The following C18orf54 variants were observed in gnomAD, a reference collection of about 807,000 sequenced individuals.
C18orf54 encodes lung adenoma susceptibility protein 2.
Under a neutral mutation model 49.3 loss-of-function variants are expected in C18orf54, and 49 were observed. The ratio of observed to expected loss-of-function variants is 0.99; its 90% CI spans 0.79 to 1.26. The LOEUF is 1.26. Ranked by LOEUF, C18orf54 falls within the 50% of genes most tolerant of loss-of-function variation. The pLI is 0.00. For missense variants in C18orf54, 687 were observed against 620.6 expected (o/e 1.11, Z -1.14); for synonymous variants, 211 against 216.6 (o/e 0.97, Z 0.23).
chr18:54,359,680 A>G (rs1162981809), intron 2 of C18orf54, among the ~76,000 whole-genome samples: 1 of 152,220 alleles, frequency 6.6e-6, no homozygotes, highest in Non-Finnish European at 1.5e-5. Context: ...ATTTAATTTT[A>G]AAAAGAATGT....
chr18:54,378,012 A>G (rs569060173), intron 8 of C18orf54, among the ~76,000 whole-genome samples, 162 bp from the exon 9 acceptor site: 1 of 152,308 alleles, frequency 6.6e-6, no homozygotes, highest in African/African-American at 2.4e-5. Context: ...AATTATTCAG[A>G]TCTCAAGGTT....
intron 2 of C18orf54, among the ~76,000 whole-genome samples, chr18:54,359,506 A>G (rs764556306): frequency 2.0e-5 from 3 of 152,208 alleles, no homozygotes; most frequent in Admixed American, 6.5e-5. Context: ...ATTTAATTAG[A>G]AAACTTTCGA....
intron 5 of C18orf54, among the ~76,000 whole-genome samples, chr18:54,364,863 C>T (rs2089349325): frequency 6.6e-6 from 1 of 151,962 alleles, no homozygotes; most frequent in Admixed American, 6.6e-5. Context: ...AAAACATCAG[C>T]ATTCTGTAAA....
chr18:54,359,752 C>G (rs1021171234), intron 2 of C18orf54, among the ~76,000 whole-genome samples: 11 of 152,254 alleles, frequency 7.2e-5, no homozygotes, highest in Admixed American at 1.3e-4. Context: ...AATATACATC[C>G]TGTTACTGTA....
intron 6 of C18orf54, among the ~76,000 whole-genome samples, chr18:54,371,784 C>G (rs1296137808): frequency 6.6e-6 from 1 of 152,014 alleles, no homozygotes; most frequent in East Asian, 1.9e-4. Flanking sequence ...CTGTACAGTC[C>G]TATTTGTTAC....
At chr18:54,370,276 C>CA (rs35888839) in intron 6 of C18orf54, among the ~76,000 whole-genome samples, 26,257 of 86,816 alleles carry the variant, frequency 0.3, 3,082 homozygotes, top group East Asian at 0.39. Context: ...GACTCTGTCT[C>CA]AAAAAAAAAA....
At position 54,381,485 on chromosome 18, in the gene C18orf54, A is replaced by C. The variant is rs1240668457; in HGVS notation, c.*3239A>C. ...AGAAGCCAGAGTGACTGGTCTTGGC[A>C]AGACTCTGTTGTGTATCACCACTCT... On this transcript the variant is annotated 3_prime_UTR_variant, in exon 9 of 9. Coordinates refer to ENST00000620105, the MANE Select transcript of C18orf54 (RefSeq NM_001288980.2). The C allele has an allele frequency of 6.6e-6, 1 of 152,214 alleles. No homozygotes were observed. 9.4% of individuals were successfully genotyped at this position (152,214 alleles called of 1,614,324 possible).
At chr18:54,374,084 C>A (rs2089532302) in intron 7 of C18orf54, 130 bp from the exon 8 acceptor site, 4 of 838,320 alleles carry the variant, frequency 4.8e-6, no homozygotes. Context: ...ATATTTAATA[C>A]TCTTGAAAAT....
chr18:54,371,551 C>T (rs2089486672), intron 6 of C18orf54, among the ~76,000 whole-genome samples: 1 of 152,024 alleles, frequency 6.6e-6, no homozygotes, highest in African/African-American at 2.4e-5. Context: ...TGTTTAATTT[C>T]TTGTGGAATT....
At chr18:54,367,743 G>C (rs1657911) in intron 6 of C18orf54, among the ~76,000 whole-genome samples, 122,978 of 151,770 alleles carry the variant, frequency 0.81, 50,424 homozygotes, top group African/African-American at 0.95. Flanking sequence ...GATGTCATAT[G>C]TATTCCCAGA....
chr18:54,367,956 A>G (rs541289094), intron 6 of C18orf54, among the ~76,000 whole-genome samples: 2 of 152,088 alleles, frequency 1.3e-5, no homozygotes, highest in African/African-American at 4.8e-5. Flanking sequence ...TGTCTATTTG[A>G]TGAAGTCTAT....
rs2089280340 is a variant in C18orf54, at chr18:54,361,965, A to G, written c.606A>G (p.Pro202=). ...AGCAATGTGGTAGGCTGAAAAACCC[A>G]AAACTTATGAATAGGACTAATAATT... is the stretch of plus-strand genomic sequence containing the variant. ...NGKQCGRLKN[P]KLMNRTNNCI... is the part of the protein sequence containing the mutation. The change falls in exon 4 of 9, where the codon CCA becomes CCG. Residue 202 remains proline (P), a synonymous_variant. Coordinates refer to ENST00000620105, the MANE Select transcript of C18orf54 (RefSeq NM_001288980.2). 1 of 1,613,842 alleles carries G rather than the reference A, an allele frequency of 6.2e-7. No individual in the cohort carries two copies. Among genetic ancestry groups the G allele is most frequent in the African/African-American group, 1.3e-5 (1 of 74,928 alleles).
chr18:54,364,389 AT>A (rs1293149157), intron 5 of C18orf54, among the ~76,000 whole-genome samples: 1 of 152,098 alleles, frequency 6.6e-6, no homozygotes, highest in African/African-American at 2.4e-5. Flanking sequence ...TGTATAATTA[AT>A]ATTATCAATA....
chr18:54,359,188 G>A (rs2089210420), intron 2 of C18orf54, among the ~76,000 whole-genome samples: 1 of 152,148 alleles, frequency 6.6e-6, no homozygotes, highest in Admixed American at 6.5e-5. Context: ...CTCTTTCAAG[G>A]TTTTGTAAAA....
chr18:54,363,349 GCT>G (rs1174345036), intron 5 of C18orf54, among the ~76,000 whole-genome samples: 1 of 151,690 alleles, frequency 6.6e-6, no homozygotes, highest in Non-Finnish European at 1.5e-5. Flanking sequence ...ATGGAGTCTT[GCT>G]CTGTCACCCA....
Position 54,360,841 on chromosome 18 carries a change from A to G in C18orf54, c.269A>G (p.Tyr90Cys), listed in dbSNP as rs771590655. Residue 90 changes from tyrosine to cysteine, a missense_variant, in exon 3 of 9, where the codon TAC becomes TGC. Physicochemically the swap from Tyr to Cys is radical, Grantham distance 194. Coordinates refer to ENST00000620105, the MANE Select transcript of C18orf54 (RefSeq NM_001288980.2). ...ATGTCACAGTTCTGCAACTATATTT[A>G]CAAACCAAACAATGGTATGCTTTTA... ...TNMSQFCNYIYKPNNAFENLD... is the reference protein window; with the variant it reads ...TNMSQFCNYICKPNNAFENLD... The G allele has an allele frequency of 1.9e-6, 3 of 1,611,158 alleles. No individual in the cohort carries two copies. Among genetic ancestry groups the G allele is most frequent in the Admixed American group, 3.3e-5 (2 of 60,002 alleles).
At chr18:54,363,061 T>A (rs988399506) in intron 5 of C18orf54, 140 bp downstream of exon 5, 2 of 824,520 alleles carry the variant, frequency 2.4e-6, no homozygotes, top group African/African-American at 3.5e-5. Context: ...TGCTTTAAAT[T>A]GCATTTTTCA....
chr18:54,372,465 G>C lies in C18orf54; in HGVS notation c.1327-1G>C. ...TATACTATCATCTGTTTTAACCTTAGAGCTGTACTCTCTCTGGAGGCAAAC... is the reference window on the plus strand; with the variant it reads ...TATACTATCATCTGTTTTAACCTTACAGCTGTACTCTCTCTGGAGGCAAAC... On this transcript the variant is annotated splice_acceptor_variant, in intron 6 of 8. Coordinates refer to ENST00000620105, the MANE Select transcript of C18orf54 (RefSeq NM_001288980.2). LOFTEE classifies it high-confidence loss of function. The C allele has an allele frequency of 6.3e-7, 1 of 1,599,808 alleles. No individual in the cohort carries two copies. The highest frequency in any genetic ancestry group is 8.5e-7 in the Non-Finnish European group (1 of 1,173,242).
chr18:54,375,970 A>G (rs145708755), intron 8 of C18orf54, among the ~76,000 whole-genome samples: 1 of 152,182 alleles, frequency 6.6e-6, no homozygotes, highest in Non-Finnish European at 1.5e-5. Flanking sequence ...ACATCTCAGA[A>G]TTCCTTTTTC....
Sources: allele counts gnomAD v4.1 joint callset (sites outside exome capture counted in the v4.1 genomes callset), GRCh38; gene constraint gnomAD v4.1.1; transcripts MANE v1.5; gene names NCBI Gene and HGNC (gene_info 2026-07-23, HGNC 2026-07-21).